RNF115: variants seen among roughly 807,000 people sequenced by gnomAD.
RNF115 encodes ring finger protein 115.
A neutral mutation model predicts 39.2 loss-of-function variants in RNF115; 31 were observed. That is an observed-to-expected ratio of 0.79 (90% CI 0.59 to 1.07). The LOEUF (loss-of-function observed/expected upper bound fraction) is 1.07, where lower values mean the gene tolerates loss of function less well. Ranked by LOEUF, RNF115 falls within the 50% of genes least tolerant of loss-of-function variation. The pLI, the probability that RNF115 is intolerant of heterozygous loss-of-function variation, is 0.00. For synonymous variants in RNF115, 124 were observed against 131.0 expected (o/e 0.95, Z 0.37); for missense variants, 384 against 381.7 (o/e 1.01, Z -0.05).
chr1:145,782,501 G>A (rs1451319416), intron 3 of RNF115, among the ~76,000 whole-genome samples: 1 of 152,022 alleles, frequency 6.6e-6, no homozygotes, highest in African/African-American at 2.4e-5. Context: ...AAAATCCCTG[G>A]CAACATCTAA....
chr1:145,762,128 T>G (rs1553713938), intron 4 of RNF115, among the ~76,000 whole-genome samples: 1 of 152,260 alleles, frequency 6.6e-6, no homozygotes, highest in Non-Finnish European at 1.5e-5. Flanking sequence ...ACTAGCTTGC[T>G]TTTGATTTTA....
chr1:145,803,282 C>G (rs782799468), intron 1 of RNF115, among the ~76,000 whole-genome samples: 7 of 152,188 alleles, frequency 4.6e-5, no homozygotes, highest in African/African-American at 9.7e-5. Flanking sequence ...GATACCTATA[C>G]AATTTAAATA....
chr1:145,777,462 T>C (rs587690457), intron 3 of RNF115, among the ~76,000 whole-genome samples: 7 of 152,298 alleles, frequency 4.6e-5, no homozygotes, highest in African/African-American at 1.4e-4. Context: ...TCAATGTATT[T>C]GTGGCCTATT....
At chr1:145,823,664 C>G in intron 1 of RNF115, 108 bp downstream of exon 1, 2 of 928,278 alleles carry the variant, frequency 2.2e-6, no homozygotes, top group Non-Finnish European at 3.1e-6. Flanking sequence ...ATTCGGCAGA[C>G]CGATGTCGGG....
chr1:145,804,714 T>A (rs2101594506), intron 1 of RNF115, among the ~76,000 whole-genome samples: 1 of 152,276 alleles, frequency 6.6e-6, no homozygotes, highest in Non-Finnish European at 1.5e-5. Context: ...TATTAACCAG[T>A]GGTTAAGGTG....
At chr1:145,791,469 G>A (rs1553718962) in intron 1 of RNF115, among the ~76,000 whole-genome samples, 2 of 149,422 alleles carry the variant, frequency 1.3e-5, no homozygotes. Flanking sequence ...CCAAGATCAC[G>A]CCATTGCACT....
chr1:145,783,074 G>A (rs1553717681), intron 3 of RNF115, among the ~76,000 whole-genome samples: 1 of 152,168 alleles, frequency 6.6e-6, no homozygotes, highest in Non-Finnish European at 1.5e-5. Context: ...TGTTGGCTAG[G>A]CTGGTCTCGA....
chr1:145,785,894 CT>C (rs1273660259), intron 2 of RNF115, among the ~76,000 whole-genome samples: 1 of 152,170 alleles, frequency 6.6e-6, no homozygotes, highest in African/African-American at 2.4e-5. Context: ...CCCAAAAGTA[CT>C]TGTACATCTA....
At chr1:145,811,309 C>T (rs1340496534) in intron 1 of RNF115, among the ~76,000 whole-genome samples, 1 of 140,028 alleles carries the variant, frequency 7.1e-6, no homozygotes, top group Non-Finnish European at 1.5e-5. Flanking sequence ...CAGCTTGAGC[C>T]TAACTCAAAA....
At position 145,743,197 on chromosome 1, in the gene RNF115, G is replaced by A. The variant is rs1167367066; in HGVS notation, c.*3669C>T. 2.6e-5 allele frequency: 4 copies of A among 152,160 alleles called. No homozygotes were observed. Among genetic ancestry groups the A allele is most frequent in the African/African-American group, 9.7e-5 (4 of 41,434 alleles). The allele number at this position is 152,160 out of a possible 1,614,324, so 9.4% of individuals were successfully genotyped here. On this transcript the variant is annotated 3_prime_UTR_variant, in exon 9 of 9. Transcript: ENST00000582693. ...GTTTTTGGAAGAGACTAACATTTCA[G>A]TCAGTAGACTGAATACAGCACATGG...
At chr1:145,766,528 T>G (rs1177687532) in intron 4 of RNF115, among the ~76,000 whole-genome samples, 1 of 143,574 alleles carries the variant, frequency 7.0e-6, no homozygotes, top group Non-Finnish European at 1.5e-5. Context: ...CCAGACGGGG[T>G]GGTGGCCGGG....
chr1:145,748,505 T>C (rs1203428465), intron 7 of RNF115, among the ~76,000 whole-genome samples: 3 of 152,314 alleles, frequency 2.0e-5, no homozygotes, highest in Non-Finnish European at 2.9e-5. Flanking sequence ...CTGTCCACCA[T>C]AGCCAAGGGA....
At chr1:145,808,707 C>T in intron 1 of RNF115, among the ~76,000 whole-genome samples, 1 of 151,914 alleles carries the variant, frequency 6.6e-6, no homozygotes, top group East Asian at 1.9e-4. Flanking sequence ...TTTTTTCAAA[C>T]CAACGAGGCT....
intron 4 of RNF115, among the ~76,000 whole-genome samples, chr1:145,765,908 CTTA>C (rs1172942197): frequency 2.0e-5 from 3 of 151,956 alleles, no homozygotes; most frequent in Non-Finnish European, 4.4e-5. Context: ...TTCAGGGAAA[CTTA>C]TTAAGTTGGT....
chr1:145,781,925 A>C (rs587710703), intron 3 of RNF115, among the ~76,000 whole-genome samples: 1 of 148,356 alleles, frequency 6.7e-6, no homozygotes, highest in African/African-American at 2.5e-5. Context: ...TTTGGAGATA[A>C]GAGTTTCACT....
At position 145,779,812 on chromosome 1, in the gene RNF115, G is replaced by A. The variant is rs587627334; in HGVS notation, c.219+4727C>T. Among the ~76,000 whole-genome samples, 32 of 151,972 alleles carry A rather than the reference G, an allele frequency of 2.1e-4. No homozygotes were observed. The East Asian group carries it at 5.3e-3, about 25-fold the overall frequency. On this transcript the variant is annotated intron_variant, in intron 3 of 8. Transcript: ENST00000582693. ...CGAATAGCTGGGATTACAGGTGCCCGCCACCACACCTGGCTAATTTTTGTA... is the reference window on the plus strand; with the variant it reads ...CGAATAGCTGGGATTACAGGTGCCCACCACCACACCTGGCTAATTTTTGTA...
chr1:145,787,571 CAAA>C lies in RNF115; in HGVS notation c.161+1334_161+1336del, dbSNP rs1192063003. On this transcript the variant is annotated intron_variant, in intron 2 of 8. Coordinates refer to ENST00000582693, the MANE Select transcript of RNF115 (RefSeq NM_014455.4). ...TGGGCAAAAGAGTGAGACTCCGTCA[CAAA>C]AAAAAAAAAAAAAAAAAGAAAAAGA... Among the ~76,000 whole-genome samples the C allele has an allele frequency of 9.8e-3, 873 of 88,924 alleles. 9 individuals carry two copies. The highest frequency in any genetic ancestry group is 0.031 in the African/African-American group (681 of 22,236). 58.3% of individuals were successfully genotyped at this position (88,924 alleles called of 152,430 possible).
chr1:145,751,646 A>C (rs1658094645), intron 5 of RNF115, 136 bp from the exon 6 acceptor site: 3 of 541,724 alleles, frequency 5.5e-6, no homozygotes, highest in Non-Finnish European at 1.0e-5. Context: ...CAAGAGGCAA[A>C]GAATTCTGTA....
intron 8 of RNF115, among the ~76,000 whole-genome samples, chr1:145,747,290 G>A (rs1199979710): frequency 6.6e-6 from 1 of 152,160 alleles, no homozygotes; most frequent in Non-Finnish European, 1.5e-5. Context: ...ATCTATGACA[G>A]GAGGGTAACT....
Sources: gnomAD v4.1 joint callset for allele counts (sites outside exome capture counted in the v4.1 genomes callset) on GRCh38, gnomAD v4.1.1 for gene constraint, MANE v1.5 for transcripts, NCBI Gene and HGNC (gene_info 2026-07-23, HGNC 2026-07-21) for gene names.